The following CEBPZ variants were observed in gnomAD, a reference collection of about 807,000 sequenced individuals.
CEBPZ encodes the protein CCAAT/enhancer-binding protein zeta.
Under a neutral mutation model 104.5 loss-of-function variants are expected in CEBPZ, and 78 were observed. That is an observed-to-expected ratio of 0.75 (90% CI 0.62 to 0.90). CEBPZ has a LOEUF of 0.90. Among genes scored for constraint, CEBPZ ranks in the 40% least tolerant of loss-of-function variants. The pLI is 0.00. For synonymous variants in CEBPZ, 470 were observed against 427.0 expected (o/e 1.10, Z -1.24); for missense variants, 1,439 against 1,233.5 (o/e 1.17, Z -2.50).
chr2:37,203,096 T>C (rs1677360325), intron 13 of CEBPZ, 88 bp from the exon 14 acceptor site: 2 of 860,616 alleles, frequency 2.3e-6, no homozygotes. Flanking sequence ...TTTTAAAAAT[T>C]ATACTTGGGT....
Position 37,201,866 on chromosome 2 carries a change from G to A in CEBPZ, c.3063C>T (p.Asp1021=), listed in dbSNP as rs1558462457. 1 of 1,613,676 alleles carries A rather than the reference G, an allele frequency of 6.2e-7. No individual in the cohort carries two copies. The stretch of plus-strand genomic sequence containing the variant: ...TTTTTGCATCTCTGTTGTGTAGCCA[G>A]TCATCACGTTCAGCCTCCCATCTAA... ...KQLRWEAERD[D]WLHNRDAKSI... is the part of the protein sequence containing the mutation. Residue 1021 remains aspartate, a synonymous_variant, in exon 16 of 16, where the codon GAC becomes GAT. Coordinates refer to ENST00000234170, the MANE Select transcript of CEBPZ (RefSeq NM_005760.3).
rs1664613850 is a variant in CEBPZ at position 37,217,026 on chromosome 2, A to T, written c.2166T>A (p.His722Gln). ...CAAAAAGGGCCACGGAGGGATGAAAATGCACAGATAACTAAAAAGAAAAAT... is the reference window on the plus strand; with the variant it reads ...CAAAAAGGGCCACGGAGGGATGAAATTGCACAGATAACTAAAAAGAAAAAT... ...SLWELKKLSV[H>Q]FHPSVALFAK... The change falls in exon 6 of 16, where the codon CAT (histidine) becomes CAA (glutamine). Residue 722 changes from histidine (H) to glutamine (Q), a missense_variant. His to Gln is a conservative substitution (Grantham distance 24). Coordinates refer to ENST00000234170, the MANE Select transcript of CEBPZ (RefSeq NM_005760.3). The T allele has an allele frequency of 6.2e-7, 1 of 1,612,638 alleles. No individual in the cohort carries two copies. Among genetic ancestry groups the T allele is most frequent in the Non-Finnish European group, 8.5e-7 (1 of 1,178,664 alleles).
chr2:37,229,311 C>A (rs1194545711), intron 1 of CEBPZ, among the ~76,000 whole-genome samples: 2 of 151,976 alleles, frequency 1.3e-5, no homozygotes, highest in African/African-American at 2.4e-5. Flanking sequence ...CAATTCCTAT[C>A]AAAGTAATTG....
chr2:37,222,818 A>G (rs1014451264), intron 3 of CEBPZ, among the ~76,000 whole-genome samples: 3 of 152,258 alleles, frequency 2.0e-5, no homozygotes, highest in African/African-American at 7.2e-5. Flanking sequence ...GAAAACAATT[A>G]GCCCTCAAGT....
chr2:37,227,476 G>A, intron 2 of CEBPZ, 68 bp downstream of exon 2: 1 of 1,459,800 alleles, frequency 6.9e-7, no homozygotes, highest in East Asian at 2.3e-5. Flanking sequence ...CCCCACAGAG[G>A]GCACTGCTTG....
chr2:37,215,517 G>C (rs1677846481), intron 8 of CEBPZ: 1 of 152,352 alleles, frequency 6.6e-6, no homozygotes, highest in African/African-American at 2.4e-5. Flanking sequence ...TACTAACTGT[G>C]GGTAAGTCCT....
At chr2:37,229,595 A>G (rs1486934335) in intron 1 of CEBPZ, among the ~76,000 whole-genome samples, 2 of 152,242 alleles carry the variant, frequency 1.3e-5, no homozygotes, top group East Asian at 3.8e-4. Context: ...ACTTTCATAC[A>G]TGGTTGATGT....
intron 5 of CEBPZ, among the ~76,000 whole-genome samples, chr2:37,219,944 G>A (rs1380513817): frequency 6.6e-6 from 1 of 152,062 alleles, no homozygotes; most frequent in Non-Finnish European, 1.5e-5. Flanking sequence ...TCCCCCAAAT[G>A]TGGACTTTTA....
At chr2:37,208,806 GAGAA>G (rs1308854343) in intron 13 of CEBPZ, 1 of 152,002 alleles carries the variant, frequency 6.6e-6, no homozygotes, top group East Asian at 1.9e-4. Flanking sequence ...AACTGGACAA[GAGAA>G]AGAAAGGGCA....
At position 37,213,815 on chromosome 2, in the gene CEBPZ, T is replaced by C. The variant is rs200446464; in HGVS notation, c.2545+49A>G. On this transcript the variant is annotated intron_variant, in intron 10 of 15. Coordinates refer to ENST00000234170, the MANE Select transcript of CEBPZ (RefSeq NM_005760.3). ...CTCCCACTAATGTTCCATGGTCTAT[T>C]AACACATAGTAGTAGATTATTTTAC... The C allele has an allele frequency of 5.6e-6, 7 of 1,260,842 alleles. No homozygotes were observed. The East Asian group carries it at 1.7e-4, about 31-fold the overall frequency. The allele number at this position is 1,260,842 out of a possible 1,614,324, so 78.1% of individuals were successfully genotyped here.
chr2:37,220,390 T>C lies in CEBPZ; in HGVS notation c.2149A>G (p.Lys717Glu), dbSNP rs747959398. Residue 717 changes from lysine to glutamate, a missense_variant, in exon 5 of 16, where the codon AAA becomes GAA. Physicochemically the swap from Lys to Glu is moderately conservative, Grantham distance 56. Transcript: ENST00000234170. ...ACAATTTGAAATTATTTTACCTTTT[T>C]GAGTTCCCAAAGACTTGTATTTTCA... ...GAENTSLWEL[K>E]KLSVHFHPSV... is the part of the protein sequence containing the mutation. 2.0e-6 allele frequency: 3 copies of C among 1,531,494 alleles called. No homozygotes were observed. The highest frequency in any genetic ancestry group is 2.4e-5 in the South Asian group (2 of 83,268). 94.9% of individuals were successfully genotyped at this position (1,531,494 alleles called of 1,614,324 possible). A position where few individuals can be genotyped will look rare whatever the true frequency, so the allele number is the denominator to read the frequency against.
At position 37,214,960 on chromosome 2, in the gene CEBPZ, A is replaced by C; in HGVS notation, c.2381-8T>G. On this transcript the variant is annotated splice_region_variant and splice_polypyrimidine_tract_variant and intron_variant, in intron 8 of 15. Coordinates refer to ENST00000234170, the MANE Select transcript of CEBPZ (RefSeq NM_005760.3). ...GGAACTCCTTACTGTTCACTACAAA[A>C]ATAAATTTAAACATTTTAACTTCAT... 2 of 1,585,074 alleles carry C rather than the reference A, an allele frequency of 1.3e-6. No individual in the cohort carries two copies. Among genetic ancestry groups the C allele is most frequent in the Non-Finnish European group, 1.7e-6 (2 of 1,154,530 alleles).
At chr2:37,226,521 A>G (rs192597233) in intron 2 of CEBPZ, among the ~76,000 whole-genome samples, 19 of 152,324 alleles carry the variant, frequency 1.2e-4, no homozygotes. Context: ...CTTCATAATA[A>G]TCATATGAGA....
chr2:37,212,089 G>T, intron 11 of CEBPZ, 50 bp from the exon 12 acceptor site: 1 of 1,499,912 alleles, frequency 6.7e-7, no homozygotes. Flanking sequence ...ATTTTCTAAA[G>T]TAGTGTTTTG....
chr2:37,231,333 G>C, intron 1 of CEBPZ, 79 bp downstream of exon 1: 1 of 1,598,768 alleles, frequency 6.3e-7, no homozygotes, highest in South Asian at 1.1e-5. Context: ...ACGCAGCGCG[G>C]AAGCGGCGGG....
chr2:37,211,621 A>T (rs2239650), intron 12 of CEBPZ: 1 of 463,278 alleles, frequency 2.2e-6, no homozygotes, highest in Admixed American at 3.9e-5. Context: ...GGTTAAAGTA[A>T]AAGTCCAAAG....
chr2:37,201,763 C>G lies in CEBPZ; in HGVS notation c.*1G>C. ...TTTAATCTATAATTTACATTAATAA[C>G]TCATTTCCTTTGTTTTTTAGTTTTT... On this transcript the variant is annotated 3_prime_UTR_variant, in exon 16 of 16. Coordinates refer to ENST00000234170, the MANE Select transcript of CEBPZ (RefSeq NM_005760.3). 7.3e-7 allele frequency: 1 copy of G among 1,370,626 alleles called. No individual in the cohort carries two copies. The highest frequency in any genetic ancestry group is 1.2e-5 in the South Asian group (1 of 84,348). The allele number at this position is 1,370,626 out of a possible 1,614,324, so 84.9% of individuals were successfully genotyped here. A position where few individuals can be genotyped will look rare whatever the true frequency, so the allele number is the denominator to read the frequency against.
At position 37,223,324 on chromosome 2, in the gene CEBPZ, G is replaced by T. The variant is rs1664811610; in HGVS notation, c.1727C>A (p.Ala576Asp). The T allele has an allele frequency of 1.9e-6, 3 of 1,614,026 alleles. No individual in the cohort carries two copies. The South Asian group carries it at 3.3e-5, about 18-fold the overall frequency. Residue 576 changes from alanine to aspartate, a missense_variant, in exon 3 of 16, where the codon GCT becomes GAT. Coordinates refer to ENST00000234170, the MANE Select transcript of CEBPZ (RefSeq NM_005760.3). ...FLNLVYKSLKADIVLRRVKAF... is the reference protein window; with the variant it reads ...FLNLVYKSLKDDIVLRRVKAF... ...CTTCACCCGGCGCAACACAATGTCA[G>T]CTTTCAGAGATTTGTAGACAAGGTT...
intron 3 of CEBPZ, 25 bp downstream of exon 3, chr2:37,223,145 T>C (rs750279590): frequency 1.3e-6 from 2 of 1,573,656 alleles, no homozygotes; most frequent in Admixed American, 1.7e-5. Flanking sequence ...ACCCACTCAA[T>C]TTAAAAAGCA....
Sources: gnomAD v4.1 joint callset for allele counts (sites outside exome capture counted in the v4.1 genomes callset) on GRCh38, gnomAD v4.1.1 for gene constraint, MANE v1.5 for transcripts, NCBI Gene and HGNC (gene_info 2026-07-23, HGNC 2026-07-21) for gene names.